The following PRR16 variants were observed in gnomAD, a reference collection of about 807,000 sequenced individuals.
The protein encoded by PRR16 is proline rich 16.
A neutral mutation model predicts 18.2 loss-of-function variants in PRR16; 6 were observed. The observed-to-expected ratio is 0.33, with a 90% CI of 0.18 to 0.65. The LOEUF (loss-of-function observed/expected upper bound fraction) is 0.65, where lower values mean the gene tolerates loss of function less well. PRR16 is among the 30% of genes least tolerant of loss of function. The probability of loss-of-function intolerance (pLI) is 0.74; values close to 1 mark genes in which losing one functional copy is unlikely to be tolerated. For synonymous variants in PRR16, 151 were observed against 147.8 expected, an observed-to-expected ratio of 1.02 and a Z score of -0.16; for missense variants, 412 against 376.6, an observed-to-expected ratio of 1.09 and a Z score of -0.78.
chr5:120,707,580 A>G, the PRR16 span, among the ~76,000 whole-genome samples: 1 of 152,168 alleles, frequency 6.6e-6, no homozygotes, highest in African/African-American at 2.4e-5. Context: ...AATCTGCCTG[A>G]CTGTTATGTT....
chr5:120,610,970 C>G (rs966412960), intron 1 of PRR16, among the ~76,000 whole-genome samples: 2 of 152,162 alleles, frequency 1.3e-5, no homozygotes, highest in African/African-American at 4.8e-5. Context: ...GCCCAAAATG[C>G]TGATAGCGAT....
chr5:120,642,806 A>G (rs1436014160), intron 1 of PRR16, among the ~76,000 whole-genome samples: 2 of 151,576 alleles, frequency 1.3e-5, no homozygotes, highest in African/African-American at 4.9e-5. Context: ...ACACGAAAAC[A>G]CTCTTTCTCT....
intron 1 of PRR16, among the ~76,000 whole-genome samples, chr5:120,567,410 A>T (rs1333187388): frequency 2.0e-5 from 3 of 152,074 alleles, no homozygotes; most frequent in African/African-American, 7.2e-5. Flanking sequence ...GACCTCTTTA[A>T]TCAGAATATT....
chr5:120,755,203 TAAA>T, the PRR16 span, among the ~76,000 whole-genome samples: 3 of 151,468 alleles, frequency 2.0e-5, no homozygotes, highest in African/African-American at 7.3e-5. Context: ...TAATAAAATT[TAAA>T]AAAAATCTAA....
At chr5:120,775,957 A>T in the PRR16 span, among the ~76,000 whole-genome samples, 1 of 151,732 alleles carries the variant, frequency 6.6e-6, no homozygotes, top group African/African-American at 2.4e-5. Context: ...CTAAACTATA[A>T]ATCTAACCAG....
intron 1 of PRR16, among the ~76,000 whole-genome samples, chr5:120,533,631 T>G (rs1197505912): frequency 6.6e-6 from 1 of 152,128 alleles, no homozygotes; most frequent in African/African-American, 2.4e-5. Context: ...GGGAAAAGTT[T>G]CCAAAGCAGG....
At chr5:120,726,776 C>T in the PRR16 span, among the ~76,000 whole-genome samples, 2 of 151,990 alleles carry the variant, frequency 1.3e-5, no homozygotes, top group African/African-American at 2.4e-5. Context: ...GGTGAGAAAA[C>T]ATTCAGGGTC....
the PRR16 span, among the ~76,000 whole-genome samples, chr5:120,706,591 G>A: frequency 1.3e-5 from 2 of 152,184 alleles, no homozygotes; most frequent in Admixed American, 6.5e-5. Flanking sequence ...GAAGAATTCT[G>A]TGGTTCAAAA....
the PRR16 span, among the ~76,000 whole-genome samples, chr5:120,726,877 C>T: frequency 2.0e-5 from 3 of 152,048 alleles, no homozygotes; most frequent in African/African-American, 7.2e-5. Context: ...TGTTCTTCTA[C>T]CCGCCTATGT....
the PRR16 span, among the ~76,000 whole-genome samples, chr5:120,767,935 G>A: frequency 2.6e-5 from 4 of 151,710 alleles, no homozygotes; most frequent in Non-Finnish European, 1.5e-5. Context: ...CAATAAAAGT[G>A]TTTTTATAAA....
At chr5:120,754,850 C>T in the PRR16 span, among the ~76,000 whole-genome samples, 28 of 150,804 alleles carry the variant, frequency 1.9e-4, no homozygotes, top group African/African-American at 6.1e-4. Context: ...ATCAAAACCT[C>T]GTAGTTCAAT....
At chr5:120,694,919 G>C in the PRR16 span, among the ~76,000 whole-genome samples, 1 of 152,012 alleles carries the variant, frequency 6.6e-6, no homozygotes, top group African/African-American at 2.4e-5. Context: ...TAGGTTTGTG[G>C]TTTAAAACTT....
intron 1 of PRR16, among the ~76,000 whole-genome samples, chr5:120,640,438 G>A (rs775715402): frequency 3.9e-5 from 6 of 152,042 alleles, no homozygotes; most frequent in Non-Finnish European, 8.8e-5. Context: ...CATGAGCCAC[G>A]CACACATAAA....
At chr5:120,495,946 G>GT (rs1196496716) in intron 1 of PRR16, among the ~76,000 whole-genome samples, 43 of 150,758 alleles carry the variant, frequency 2.9e-4, no homozygotes, top group Admixed American at 9.9e-4. Flanking sequence ...ATTAGCTGTA[G>GT]TTTTTTTTTG....
intron 1 of PRR16, among the ~76,000 whole-genome samples, chr5:120,609,428 G>A (rs1303497695): frequency 2.0e-5 from 3 of 151,898 alleles, no homozygotes; most frequent in Non-Finnish European, 4.4e-5. Context: ...TTTTAAAAAA[G>A]GAATATTCTT....
chr5:120,699,034 G>C, the PRR16 span, among the ~76,000 whole-genome samples: 2 of 152,132 alleles, frequency 1.3e-5, no homozygotes, highest in Non-Finnish European at 2.9e-5. Flanking sequence ...CTTATTCAGT[G>C]AAAGTGTCTA....
intron 1 of PRR16, chr5:120,617,313 CA>C (rs1263779956): frequency 2.8e-5 from 9 of 317,306 alleles, no homozygotes; most frequent in Non-Finnish European, 4.1e-5. Context: ...TTGCAATTAA[CA>C]ATCAGGTCTC....
At chr5:120,516,704 A>G (rs1346971481) in intron 1 of PRR16, among the ~76,000 whole-genome samples, 3 of 152,194 alleles carry the variant, frequency 2.0e-5, no homozygotes, top group Admixed American at 6.5e-5. Context: ...AATCAGCAGA[A>G]TACACTGAAA....
At chr5:120,530,913 T>A (rs150474668) in intron 1 of PRR16, among the ~76,000 whole-genome samples, 1 of 152,186 alleles carries the variant, frequency 6.6e-6, no homozygotes, top group African/African-American at 2.4e-5. Context: ...TCGAGTAAGA[T>A]AGAATCTTGC....
Sources: gnomAD v4.1 joint callset for allele counts (sites outside exome capture counted in the v4.1 genomes callset) on GRCh38, gnomAD v4.1.1 for gene constraint, MANE v1.5 for transcripts, NCBI Gene and HGNC (gene_info 2026-07-23, HGNC 2026-07-21) for gene names.